BLACAT1: variants seen among roughly 807,000 people sequenced by gnomAD.
BLACAT1 encodes the protein bladder cancer associated transcript 1.
chr1:205,445,080 G>A (rs1391105545), intron 1 of BLACAT1, among the ~76,000 whole-genome samples: 1 of 152,144 alleles, frequency 6.6e-6, no homozygotes, highest in East Asian at 1.9e-4. Flanking sequence ...AAGCAGCTGC[G>A]GCTTAGGAGA....
intron 1 of BLACAT1, among the ~76,000 whole-genome samples, chr1:205,442,078 G>A (rs923687655): frequency 7.9e-5 from 12 of 152,274 alleles, no homozygotes; most frequent in African/African-American, 2.6e-4. Context: ...TGGGCCTATG[G>A]AAAGGGAGCA....
chr1:205,449,564 C>G (rs1431301937), intron 1 of BLACAT1, among the ~76,000 whole-genome samples: 1 of 152,170 alleles, frequency 6.6e-6, no homozygotes, highest in African/African-American at 2.4e-5. Context: ...TCCTGCATTC[C>G]CCAACAACAG....
Position 205,444,297 on chromosome 1 carries a change from T to G in BLACAT1, c.-36-3235A>C, listed in dbSNP as rs544982574. On this transcript the variant is annotated intron_variant, in intron 1 of 1. Transcript: ENST00000629624. ...CTGACTGCAAGCTGTTGGCCCTGGCTTCTTCCCCATCCTCCTCTCTGGCTT... is the reference window on the plus strand; with the variant it reads ...CTGACTGCAAGCTGTTGGCCCTGGCGTCTTCCCCATCCTCCTCTCTGGCTT... Among the ~76,000 whole-genome samples, 3 of 152,270 alleles carry G rather than the reference T, an allele frequency of 2.0e-5. No individual in the cohort carries two copies. The South Asian group carries it at 6.2e-4, about 32-fold the overall frequency.
chr1:205,440,506 G>C (rs1456903327), exon 2 of BLACAT1: 2 of 152,306 alleles, frequency 1.3e-5, no homozygotes, highest in African/African-American at 2.4e-5. Flanking sequence ...TTCTCTGCTA[G>C]AGCAGCCAGT....
chr1:205,452,719 G>C (rs1425829662), intron 1 of BLACAT1, among the ~76,000 whole-genome samples: 1 of 152,172 alleles, frequency 6.6e-6, no homozygotes, highest in Non-Finnish European at 1.5e-5. Context: ...CAGGGACTTA[G>C]AGCTCAGCAG....
At chr1:205,454,835 A>C (rs1386690773) in intron 1 of BLACAT1, among the ~76,000 whole-genome samples, 1 of 152,104 alleles carries the variant, frequency 6.6e-6, no homozygotes, top group Non-Finnish European at 1.5e-5. Flanking sequence ...CAAGTTGAGA[A>C]AAGTTGTTCA....
At chr1:205,446,463 G>A (rs1472619270) in intron 1 of BLACAT1, among the ~76,000 whole-genome samples, 5 of 152,210 alleles carry the variant, frequency 3.3e-5, no homozygotes, top group African/African-American at 1.2e-4. Flanking sequence ...CCTTGCTAGA[G>A]CTTTACAGAG....
chr1:205,449,029 T>C (rs1389001030), intron 1 of BLACAT1, among the ~76,000 whole-genome samples: 1 of 152,078 alleles, frequency 6.6e-6, no homozygotes. Context: ...GAGTGAGATC[T>C]CTGTCTCCAG....
chr1:205,444,003 A>G (rs1261898717), intron 1 of BLACAT1, among the ~76,000 whole-genome samples: 1 of 152,112 alleles, frequency 6.6e-6, no homozygotes, highest in Non-Finnish European at 1.5e-5. Context: ...AGAGGGCTCC[A>G]GTACCAGCTG....
downstream of BLACAT1, chr1:205,436,910 T>A (rs529432226): frequency 6.6e-6 from 1 of 152,412 alleles, no homozygotes; most frequent in African/African-American, 2.4e-5. Flanking sequence ...CCCTTTATAA[T>A]GCGTGCCTTC....
intron 1 of BLACAT1, among the ~76,000 whole-genome samples, chr1:205,449,675 CG>C (rs1666461911): frequency 6.6e-6 from 1 of 152,186 alleles, no homozygotes; most frequent in Non-Finnish European, 1.5e-5. Flanking sequence ...AGGCATCCTG[CG>C]GCCTCCCACC....
At position 205,443,563 on chromosome 1, in the gene BLACAT1, C is replaced by T. The variant is rs979901075; in HGVS notation, c.-36-2501G>A. 5.3e-5 allele frequency among the ~76,000 whole-genome samples: 8 copies of T among 152,214 alleles called. No homozygotes were observed. The South Asian group carries it at 1.0e-3, about 20-fold the overall frequency. On this transcript the variant is annotated intron_variant, in intron 1 of 1. Transcript: ENST00000629624. ...TGTAGCCTGGCTCCCGAGAGGTGTT[C>T]GAGGGCTGGCTGCCTCAGTGGGATT...
intron 1 of BLACAT1, chr1:205,449,923 A>G (rs1045461738): frequency 3.3e-5 from 5 of 152,598 alleles, no homozygotes; most frequent in African/African-American, 1.2e-4. Context: ...AATTCCCCGC[A>G]GAGCCACTTC....
At chr1:205,439,461 T>C (rs187778906), downstream of BLACAT1, among the ~76,000 whole-genome samples, 10 of 152,342 alleles carry the variant, frequency 6.6e-5, no homozygotes, top group East Asian at 1.7e-3. Flanking sequence ...AGTGTGGGCA[T>C]GAGCTGGGCA....
Position 205,448,328 on chromosome 1 carries a change from G to A in BLACAT1, c.-36-7266C>T, listed in dbSNP as rs753959183. On this transcript the variant is annotated intron_variant, in intron 1 of 1. Coordinates refer to ENST00000629624, the Ensembl canonical transcript of BLACAT1. The surrounding 1 kb of genome is among the most constrained non-coding windows in gnomAD (Gnocchi z 4.7). ...GAGCTCGCCCCTCACTGTAGCCCATGGCTTTTAGCCCTACATGAGTTTGGG... is the reference window on the plus strand; with the variant it reads ...GAGCTCGCCCCTCACTGTAGCCCATAGCTTTTAGCCCTACATGAGTTTGGG... 3.7e-6 allele frequency: 2 copies of A among 533,694 alleles called. No individual in the cohort carries two copies. The highest frequency in any genetic ancestry group is 1.9e-5 in the Admixed American group (1 of 51,580). 33.1% of individuals were successfully genotyped at this position (533,694 alleles called of 1,614,324 possible). A position where few individuals can be genotyped will look rare whatever the true frequency, so the allele number is the denominator to read the frequency against.
At chr1:205,438,294 T>C (rs1666238943), downstream of BLACAT1, among the ~76,000 whole-genome samples, 2 of 152,218 alleles carry the variant, frequency 1.3e-5, no homozygotes, top group Admixed American at 1.3e-4. Flanking sequence ...TCTACCCATG[T>C]GCCCCTCCCT....
intron 1 of BLACAT1, among the ~76,000 whole-genome samples, chr1:205,443,286 G>C (rs2102468178): frequency 6.6e-6 from 1 of 152,292 alleles, no homozygotes; most frequent in East Asian, 1.9e-4. Flanking sequence ...TCTGGCCCCA[G>C]AGTGCATCGA....
chr1:205,446,094 G>GAC (rs1027634977), intron 1 of BLACAT1, among the ~76,000 whole-genome samples: 9 of 152,228 alleles, frequency 5.9e-5, no homozygotes, highest in African/African-American at 2.2e-4. Flanking sequence ...CAGGGGACAG[G>GAC]ACACACACAG....
intron 1 of BLACAT1, among the ~76,000 whole-genome samples, chr1:205,455,599 C>T (rs1280739796): frequency 1.3e-5 from 2 of 152,180 alleles, no homozygotes; most frequent in Non-Finnish European, 2.9e-5. Context: ...CGGCTACCTC[C>T]GGAGCCAAGG....
Sources: gnomAD v4.1 joint callset for allele counts (sites outside exome capture counted in the v4.1 genomes callset) on GRCh38, gnomAD v4.1.1 for gene constraint, Gnocchi (gnomAD v3.1) non-coding constraint, MANE v1.5 for transcripts, NCBI Gene and HGNC (gene_info 2026-07-23, HGNC 2026-07-21) for gene names.